Variants in DPP8 observed in about 807,000 individuals in gnomAD.
The protein encoded by DPP8 is dipeptidyl peptidase 8.
In DPP8, 31 loss-of-function variants were observed where a neutral mutation model predicts 107.5. That is an observed-to-expected ratio of 0.29 (90% CI 0.22 to 0.39). The LOEUF (loss-of-function observed/expected upper bound fraction) is 0.39, where lower values mean the gene tolerates loss of function less well. Ranked by LOEUF, DPP8 falls within the 10% of genes least tolerant of loss-of-function variation. The probability of loss-of-function intolerance (pLI) is 1.00; values close to 1 mark genes in which losing one functional copy is unlikely to be tolerated. For synonymous variants in DPP8, 381 were observed against 356.6 expected (o/e 1.07, Z -0.77); for missense variants, 842 against 1,076.1 (o/e 0.78, Z 3.04).
intron 19 of DPP8, among the ~76,000 whole-genome samples, chr15:65,447,872 G>A (rs919393634): frequency 6.6e-6 from 1 of 152,102 alleles, no homozygotes; most frequent in South Asian, 2.1e-4. Context: ...CCAATACTTA[G>A]ACACTTTTCC....
intron 16 of DPP8, chr15:65,455,881 C>G: frequency 7.9e-7 from 1 of 1,266,126 alleles, no homozygotes; most frequent in South Asian, 1.2e-5. Flanking sequence ...AAGGCACTAA[C>G]CAGTTGGATT....
intron 6 of DPP8, among the ~76,000 whole-genome samples, chr15:65,489,431 T>TTTTTG (rs10670137): frequency 6.8e-6 from 1 of 148,120 alleles, no homozygotes; most frequent in African/African-American, 2.5e-5. Context: ...TTTTTTTTTT[T>TTTTTG]GAGACAGAGT....
At chr15:65,449,930 A>G (rs1567128681) in intron 19 of DPP8, among the ~76,000 whole-genome samples, 1 of 138,958 alleles carries the variant, frequency 7.2e-6, no homozygotes, top group Non-Finnish European at 1.6e-5. Flanking sequence ...TCTATGAAAA[A>G]CGTGATTTGT....
chr15:65,509,340 AT>A (rs1223215089), intron 2 of DPP8, among the ~76,000 whole-genome samples: 1 of 152,196 alleles, frequency 6.6e-6, no homozygotes, highest in Non-Finnish European at 1.5e-5. Context: ...AGTAACAGCC[AT>A]TCCCCCACAA....
At chr15:65,485,244 AGTT>A in intron 7 of DPP8, 84 bp from the exon 8 acceptor site, 1 of 1,064,108 alleles carries the variant, frequency 9.4e-7, no homozygotes, top group Non-Finnish European at 1.5e-6. Flanking sequence ...TTTACACTTT[AGTT>A]AAGAATAACG....
At chr15:65,479,136 A>G (rs549650016) in intron 10 of DPP8, 97 bp from the exon 11 acceptor site, 1 of 809,238 alleles carries the variant, frequency 1.2e-6, no homozygotes, top group African/African-American at 1.8e-5. Flanking sequence ...TATACTTTGA[A>G]ATATAAATAA....
At chr15:65,487,575 C>T (rs763689517) in intron 7 of DPP8, 115 bp downstream of exon 7, 1 of 961,834 alleles carries the variant, frequency 1.0e-6, no homozygotes, top group Non-Finnish European at 1.6e-6. Context: ...AACAACCCGT[C>T]GTAAATAAGG....
chr15:65,480,079 T>C, intron 10 of DPP8, 143 bp downstream of exon 10: 1 of 647,472 alleles, frequency 1.5e-6, no homozygotes, highest in East Asian at 2.9e-5. Context: ...GAACCATCAC[T>C]CCAATTGGAA....
chr15:65,451,092 G>C lies in DPP8; in HGVS notation c.2433C>G (p.Leu811=). The C allele has an allele frequency of 6.2e-7, 1 of 1,611,508 alleles. No homozygotes were observed. Among genetic ancestry groups the C allele is most frequent in the East Asian group, 2.2e-5 (1 of 44,786 alleles). ...KFPSEPNRLL[L]LHGFLDENVH... ...CATTCTCATCCAGGAAACCATGTAA[G>C]AGCAGTAAACGATTTGGTCTGGAGA... Residue 811 remains leucine (L), a synonymous_variant, in exon 19 of 20, where the codon CTC becomes CTG. Transcript: ENST00000300141.
At chr15:65,515,085 C>T (rs1448341666) in intron 1 of DPP8, among the ~76,000 whole-genome samples, 1 of 152,240 alleles carries the variant, frequency 6.6e-6, no homozygotes, top group East Asian at 1.9e-4. Context: ...ATCAGAGGAT[C>T]CTTATGCCTC....
At chr15:65,458,019 G>A (rs745769700) in intron 15 of DPP8, among the ~76,000 whole-genome samples, 5 of 152,274 alleles carry the variant, frequency 3.3e-5, no homozygotes, top group Admixed American at 1.3e-4. Context: ...AGAAGTACAC[G>A]AATATGAACA....
chr15:65,483,559 T>G (rs945343038), intron 8 of DPP8, among the ~76,000 whole-genome samples: 1 of 150,508 alleles, frequency 6.6e-6, no homozygotes, highest in African/African-American at 2.5e-5. Context: ...TTTACCATAT[T>G]AGGCAGGCTG....
chr15:65,485,024 T>G, intron 8 of DPP8, 75 bp downstream of exon 8: 1 of 1,165,952 alleles, frequency 8.6e-7, no homozygotes, highest in South Asian at 1.3e-5. Flanking sequence ...AATAAAAAAG[T>G]GTATCAAAGA....
chr15:65,512,133 C>G (rs774597065), intron 2 of DPP8, 162 bp downstream of exon 2: 1 of 760,304 alleles, frequency 1.3e-6, no homozygotes, highest in Non-Finnish European at 2.2e-6. Context: ...AAAGTTAATG[C>G]GATACAACAA....
chr15:65,479,324 C>T (rs2066684852), intron 10 of DPP8, among the ~76,000 whole-genome samples: 1 of 152,044 alleles, frequency 6.6e-6, no homozygotes, highest in African/African-American at 2.4e-5. Context: ...ATCCTTGAAA[C>T]ATGGCACAAG....
intron 19 of DPP8, 38 bp from the exon 20 acceptor site, chr15:65,447,044 A>G: frequency 6.7e-7 from 1 of 1,501,236 alleles, no homozygotes; most frequent in East Asian, 2.3e-5. Context: ...AAAAAAAAAA[A>G]AGAATTTAGT....
At chr15:65,476,153 T>A (rs976036045) in intron 11 of DPP8, among the ~76,000 whole-genome samples, 2 of 152,176 alleles carry the variant, frequency 1.3e-5, no homozygotes, top group African/African-American at 4.8e-5. Context: ...ACTGCTTATA[T>A]CTATTGCTGT....
intron 11 of DPP8, chr15:65,475,587 C>T: frequency 8.7e-7 from 1 of 1,154,862 alleles, no homozygotes; most frequent in Non-Finnish European, 1.3e-6. Context: ...CTCCCTGGCA[C>T]TTCTGAGGTA....
At chr15:65,514,710 C>T (rs1017079206) in intron 1 of DPP8, among the ~76,000 whole-genome samples, 4 of 152,140 alleles carry the variant, frequency 2.6e-5, no homozygotes, top group Non-Finnish European at 5.9e-5. Flanking sequence ...CGGGGTTTCA[C>T]CATCTTGGCC....
Sources: allele counts gnomAD v4.1 joint callset (sites outside exome capture counted in the v4.1 genomes callset), GRCh38; gene constraint gnomAD v4.1.1; transcripts MANE v1.5; gene names NCBI Gene and HGNC (gene_info 2026-07-23, HGNC 2026-07-21).